The following SATB2 variants were observed in gnomAD, a reference collection of about 807,000 sequenced individuals.
The protein encoded by SATB2 is DNA-binding protein SATB2.
SATB2 carries 1 observed loss-of-function variant against 73.4 expected under a neutral mutation model. That is an observed-to-expected ratio of 0.01 (90% CI 0.00 to 0.06). The LOEUF is 0.06. SATB2 is among the 10% of genes least tolerant of loss of function. The pLI, the probability that SATB2 is intolerant of heterozygous loss-of-function variation, is 1.00. For synonymous variants in SATB2, 397 were observed against 367.0 expected, an observed-to-expected ratio of 1.08 and a Z score of -0.93; for missense variants, 459 against 945.8, an observed-to-expected ratio of 0.49 and a Z score of 6.75.
chr2:199,286,952 A>G (rs969785917), intron 10 of SATB2, among the ~76,000 whole-genome samples: 2 of 152,212 alleles, frequency 1.3e-5, no homozygotes, highest in African/African-American at 4.8e-5. Flanking sequence ...ATAACCAGGT[A>G]ACTAAATGAG....
In SATB2 at chr2:199,271,678, T is replaced by C. The variant is rs778715719; in HGVS notation, c.*533A>G. The C allele has an allele frequency of 6.5e-6, 1 of 153,254 alleles. No homozygotes were observed. Among genetic ancestry groups the C allele is most frequent in the African/African-American group, 2.4e-5 (1 of 41,412 alleles). 9.5% of individuals were successfully genotyped at this position (153,254 alleles called of 1,614,324 possible). A position where few individuals can be genotyped will look rare whatever the true frequency, so the allele number is the denominator to read the frequency against. ...CCAAAGCGACTCACTGTGAAGTGGT[T>C]TTTTTAATACATAAACAAGTCTTTT... On this transcript the variant is annotated 3_prime_UTR_variant, in exon 11 of 11. Transcript: ENST00000417098.
chr2:199,416,990 C>CA (rs1210041398), intron 3 of SATB2, among the ~76,000 whole-genome samples: 2 of 151,574 alleles, frequency 1.3e-5, no homozygotes, highest in Non-Finnish European at 2.9e-5. Context: ...GAGCGGAGAT[C>CA]ACGCCACTGC....
chr2:199,418,745 A>G (rs149101894), intron 3 of SATB2, among the ~76,000 whole-genome samples: 62 of 152,332 alleles, frequency 4.1e-4, no homozygotes, highest in Non-Finnish European at 7.5e-4. Context: ...TAAAGCATCT[A>G]ATACAAGTCT....
intron 2 of SATB2, among the ~76,000 whole-genome samples, chr2:199,440,522 G>GA (rs1553505317): frequency 6.6e-6 from 1 of 151,904 alleles, no homozygotes; most frequent in East Asian, 1.9e-4. Flanking sequence ...AGAAACAGTA[G>GA]AAAAAAAATT....
At chr2:199,386,247 A>G (rs1287995089) in intron 3 of SATB2, among the ~76,000 whole-genome samples, 1 of 152,192 alleles carries the variant, frequency 6.6e-6, no homozygotes, top group Non-Finnish European at 1.5e-5. Flanking sequence ...TCGAATGAGC[A>G]TTTCCTTTGA....
chr2:199,389,670 C>T (rs930888448), intron 3 of SATB2, among the ~76,000 whole-genome samples: 5 of 152,044 alleles, frequency 3.3e-5, no homozygotes, highest in Non-Finnish European at 5.9e-5. Context: ...TGCAAGAATT[C>T]GGTAACACTG....
intron 10 of SATB2, among the ~76,000 whole-genome samples, chr2:199,301,080 A>G (rs1250702061): frequency 2.0e-5 from 3 of 152,120 alleles, no homozygotes; most frequent in Non-Finnish European, 2.9e-5. Flanking sequence ...GAACCAGAAG[A>G]GAATACTATA....
upstream of SATB2, chr2:199,458,845 G>C (rs1692387783): frequency 3.3e-6 from 1 of 299,852 alleles, no homozygotes; most frequent in Non-Finnish European, 6.4e-6. Flanking sequence ...CGAGCCGAAC[G>C]TCCCGGCCCG....
rs747119668 is a variant in SATB2 at position 199,349,270 on chromosome 2, AATAAT to A, written c.701-102_701-98del. The A allele has an allele frequency of 6.3e-6, 6 of 956,784 alleles. No homozygotes were observed. In the East Asian group the frequency reaches 1.3e-4, roughly 21 times the overall value. 59.3% of individuals were successfully genotyped at this position (956,784 alleles called of 1,614,324 possible). A position where few individuals can be genotyped will look rare whatever the true frequency, so the allele number is the denominator to read the frequency against. On this transcript the variant is annotated intron_variant, in intron 6 of 10. Transcript: ENST00000417098. ...TGAATTATCATACTTTTGGCATGTT[AATAAT>A]ATAAACATTTTTTCATACAACGATG...
intron 10 of SATB2, among the ~76,000 whole-genome samples, chr2:199,280,552 T>C (rs1468948472): frequency 2.0e-5 from 3 of 152,108 alleles, no homozygotes; most frequent in Non-Finnish European, 4.4e-5. Flanking sequence ...GCAAGGAACA[T>C]ATCTGAGAAA....
chr2:199,331,772 A>G (rs1688198152), intron 7 of SATB2, among the ~76,000 whole-genome samples: 1 of 152,216 alleles, frequency 6.6e-6, no homozygotes. Flanking sequence ...GGAGAAAAAA[A>G]TCAGAAGAAA....
At chr2:199,386,716 G>GCGCGCACACA (rs1689968284) in intron 3 of SATB2, among the ~76,000 whole-genome samples, 1 of 9,220 alleles carries the variant, frequency 1.1e-4, no homozygotes, top group African/African-American at 1.6e-4. Context: ...GCGCGCGCGC[G>GCGCGCACACA]CACACACACA....
upstream of SATB2, among the ~76,000 whole-genome samples, chr2:199,466,355 G>A (rs1692593190): frequency 6.6e-6 from 1 of 152,072 alleles, no homozygotes; most frequent in Non-Finnish European, 1.5e-5. Context: ...TTTCCCAGAG[G>A]ATCACAGACA....
At chr2:199,423,983 T>C (rs1239024529) in intron 3 of SATB2, 2 of 152,220 alleles carry the variant, frequency 1.3e-5, no homozygotes, top group East Asian at 3.9e-4. Flanking sequence ...GCTGTCTGAT[T>C]TGCATATAGC....
At chr2:199,433,628 TTTAGA>T (rs1365143041) in intron 2 of SATB2, 114 bp from the exon 3 acceptor site, 5 of 992,084 alleles carry the variant, frequency 5.0e-6, no homozygotes, top group South Asian at 1.3e-5. Context: ...TCGACAGTGG[TTTAGA>T]TTAAACAAGC....
intron 7 of SATB2, among the ~76,000 whole-genome samples, chr2:199,342,000 G>A (rs1392318495): frequency 6.6e-6 from 1 of 152,194 alleles, no homozygotes; most frequent in African/African-American, 2.4e-5. Flanking sequence ...GCTACTACAG[G>A]AGGCTGGGAG....
At chr2:199,444,464 C>T (rs1318702918) in intron 2 of SATB2, among the ~76,000 whole-genome samples, 1 of 152,120 alleles carries the variant, frequency 6.6e-6, no homozygotes, top group African/African-American at 2.4e-5. Flanking sequence ...ACACCTTAAT[C>T]TCAAAAAGAT....
chr2:199,381,801 C>A lies in SATB2; in HGVS notation c.366G>T (p.Arg122Ser). 1 of 1,614,040 alleles carries A rather than the reference C, an allele frequency of 6.2e-7. No individual in the cohort carries two copies. The highest frequency in any genetic ancestry group is 8.5e-7 in the Non-Finnish European group (1 of 1,179,938). Reference sequence around the variant, plus strand: ...CATAACTGAGGGGGAGAGGGTTCCACCTTCCCAGCTTGATTATTCCTGCAC... The same window carrying A: ...CATAACTGAGGGGGAGAGGGTTCCAACTTCCCAGCTTGATTATTCCTGCAC... ...AQAQGIIKLG[R>S]WNPLPLSYVT... is the part of the protein sequence containing the mutation. The change falls in exon 4 of 11, where the codon AGG (arginine) becomes AGT (serine). Residue 122 changes from arginine to serine, a missense_variant. Physicochemically the swap from Arg to Ser is moderately radical, Grantham distance 110. This residue lies in a region of SATB2 where 56 missense variants were observed against 183.7 expected (regional missense o/e 0.30). Coordinates refer to ENST00000417098, the MANE Select transcript of SATB2 (RefSeq NM_001172509.2).
At chr2:199,423,597 G>C (rs1023208584) in intron 3 of SATB2, 2 of 151,766 alleles carry the variant, frequency 1.3e-5, no homozygotes, top group African/African-American at 4.8e-5. Context: ...ATCTAACATA[G>C]GCCCCCTTTA....
Sources: allele counts gnomAD v4.1 joint callset (sites outside exome capture counted in the v4.1 genomes callset), GRCh38; gene constraint gnomAD v4.1.1; regional missense constraint gnomAD v4.1.1; transcripts MANE v1.5; gene names NCBI Gene and HGNC (gene_info 2026-07-23, HGNC 2026-07-21).